SLC6A16: variants seen among roughly 807,000 people sequenced by gnomAD.
SLC6A16 encodes solute carrier family 6 member 16.
A neutral mutation model predicts 65.4 loss-of-function variants in SLC6A16; 54 were observed. That is an observed-to-expected ratio of 0.83 (90% CI 0.66 to 1.04). SLC6A16 has a LOEUF of 1.04. SLC6A16 is among the 50% of genes least tolerant of loss of function. The pLI is 0.00. For missense variants in SLC6A16, 816 were observed against 914.0 expected (o/e 0.89, Z 1.38); for synonymous variants, 330 against 346.5 (o/e 0.95, Z 0.53).
chr19:49,293,154 G>A, intron 10 of SLC6A16, 69 bp downstream of exon 10: 1 of 1,496,916 alleles, frequency 6.7e-7, no homozygotes, highest in South Asian at 1.2e-5. Context: ...TGACAGTAGA[G>A]GCAACAAAAA....
At chr19:49,332,427 C>T in the SLC6A16 span, 3,136 of 375,572 alleles carry the variant, frequency 8.3e-3, 29 homozygotes, top group Non-Finnish European at 0.012. Flanking sequence ...TGCTGGCAGG[C>T]GCCTGCCTGT....
At chr19:49,293,593 G>A (rs920214703) in intron 9 of SLC6A16, among the ~76,000 whole-genome samples, 1 of 152,120 alleles carries the variant, frequency 6.6e-6, no homozygotes, top group Non-Finnish European at 1.5e-5. Context: ...GTGAAAGCCC[G>A]TCTCTACAAA....
At chr19:49,337,327 C>A in the SLC6A16 span, 3 of 1,111,612 alleles carry the variant, frequency 2.7e-6, no homozygotes, top group Non-Finnish European at 2.7e-6. Flanking sequence ...CAGGGGCTAA[C>A]CTAGATAAAG....
At position 49,290,306 on chromosome 19, in the gene SLC6A16, T is replaced by C; in HGVS notation, c.2028A>G (p.Ala676=). The C allele has an allele frequency of 6.2e-7, 1 of 1,614,096 alleles. No homozygotes were observed. Reference sequence around the variant, plus strand: ...TATGTATGCGGCAGTATACAAAGTATGCAGGGATGGGGAGGATGACAATGG... The same window carrying C: ...TATGTATGCGGCAGTATACAAAGTACGCAGGGATGGGGAGGATGACAATGG... ...LFAIVILPIP[A]YFVYCRIHRI... Residue 676 remains alanine (A), a synonymous_variant, in exon 12 of 12, where the codon GCA becomes GCG. Coordinates refer to ENST00000335875, the MANE Select transcript of SLC6A16 (RefSeq NM_014037.3).
At position 49,310,941 on chromosome 19, in the gene SLC6A16, C is replaced by T. The variant is rs1224979258; in HGVS notation, c.407G>A (p.Ser136Asn). 1.2e-6 allele frequency: 2 copies of T among 1,612,412 alleles called. No homozygotes were observed. Among genetic ancestry groups the T allele is most frequent in the East Asian group, 2.2e-5 (1 of 44,902 alleles). ...CTGGTCCCCAGACTTACAGCCTCCA[C>T]TGTTAAGCCACAGGTAGGCAAAGCG... is the stretch of plus-strand genomic sequence containing the variant. ...LWRFAYLWLN[S>N]GGCSFAAIYI... The change falls in exon 2 of 12, where the codon AGT becomes AAT. Residue 136 changes from serine (S) to asparagine (N), a missense_variant. Physicochemically the swap from Ser to Asn is conservative, Grantham distance 46. Coordinates refer to ENST00000335875, the MANE Select transcript of SLC6A16 (RefSeq NM_014037.3).
intron 1 of SLC6A16, among the ~76,000 whole-genome samples, chr19:49,322,795 A>G (rs1056756369): frequency 1.4e-5 from 2 of 138,948 alleles, no homozygotes; most frequent in African/African-American, 5.6e-5. Context: ...GTATTACCCA[A>G]AGCAATCTAC....
chr19:49,310,013 TCTC>T (rs1443984065), intron 4 of SLC6A16, 24 bp downstream of exon 4: 2 of 1,609,940 alleles, frequency 1.2e-6, no homozygotes, highest in East Asian at 2.2e-5. Flanking sequence ...ATTTTTCCCT[TCTC>T]CTCTTCTTTC....
the SLC6A16 span, chr19:49,339,018 G>T: frequency 2.7e-6 from 3 of 1,129,472 alleles, no homozygotes; most frequent in Non-Finnish European, 3.9e-6. The surrounding 1 kb of genome is among the most constrained non-coding windows in gnomAD (Gnocchi z 4.5). Flanking sequence ...GTAGCGGCCT[G>T]AGAAAGGGCG....
intron 7 of SLC6A16, among the ~76,000 whole-genome samples, chr19:49,299,791 G>C (rs1032553295): frequency 1.3e-5 from 2 of 152,014 alleles, no homozygotes; most frequent in Admixed American, 1.3e-4. Flanking sequence ...GGGAGGCCAA[G>C]GCAGGTGGAT....
chr19:49,339,675 G>T, the SLC6A16 span: 17 of 1,425,790 alleles, frequency 1.2e-5, no homozygotes, highest in Non-Finnish European at 1.6e-5. This position sits in a 1 kb window ranked among gnomAD's most constrained non-coding sequence, Gnocchi z 4.5. Flanking sequence ...TCATGGTGCT[G>T]AGCGTACAGC....
intron 1 of SLC6A16, among the ~76,000 whole-genome samples, chr19:49,323,106 A>G (rs1970741977): frequency 6.6e-6 from 1 of 152,042 alleles, no homozygotes; most frequent in Admixed American, 6.6e-5. Flanking sequence ...TGCCAAGACT[A>G]CTCAATGAGT....
chr19:49,306,768 T>C (rs1970396642), intron 7 of SLC6A16, among the ~76,000 whole-genome samples: 1 of 152,066 alleles, frequency 6.6e-6, no homozygotes, highest in Non-Finnish European at 1.5e-5. Flanking sequence ...GGTCTCAAAC[T>C]CCTGACCTCG....
chr19:49,337,722 C>T, the SLC6A16 span: 1 of 1,535,168 alleles, frequency 6.5e-7, no homozygotes, highest in East Asian at 2.4e-5. Context: ...AATAGACGCC[C>T]TGAAAGAAGA....
the SLC6A16 span, chr19:49,339,488 G>C: frequency 5.2e-6 from 8 of 1,544,310 alleles, no homozygotes; most frequent in Admixed American, 1.2e-4. This position sits in a 1 kb window ranked among gnomAD's most constrained non-coding sequence, Gnocchi z 4.5. Flanking sequence ...CGCGTCCTTC[G>C]GTTGCCTGGG....
the SLC6A16 span, chr19:49,340,106 C>T: frequency 1.3e-6 from 2 of 1,539,280 alleles, no homozygotes; most frequent in South Asian, 2.4e-5. Flanking sequence ...CCCGTCGAGC[C>T]CCGCCCTTTT....
intron 1 of SLC6A16, among the ~76,000 whole-genome samples, chr19:49,313,704 G>A (rs1402798050): frequency 6.6e-6 from 1 of 151,934 alleles, no homozygotes; most frequent in Admixed American, 6.6e-5. Context: ...GCTGACTTAG[G>A]AGAATCACTT....
At chr19:49,310,533 A>T in intron 2 of SLC6A16, 23 bp from the exon 3 acceptor site, 1 of 1,613,476 alleles carries the variant, frequency 6.2e-7, no homozygotes, top group Non-Finnish European at 8.5e-7. Flanking sequence ...TTCAGAAGGG[A>T]CTCTGAGAAC....
the SLC6A16 span, chr19:49,331,818 A>G: frequency 4.4e-6 from 2 of 457,140 alleles, no homozygotes; most frequent in Non-Finnish European, 8.8e-6. Context: ...TGGGAAATGA[A>G]GTCCTCCTGT....
chr19:49,313,504 G>A (rs988895619), intron 1 of SLC6A16, among the ~76,000 whole-genome samples: 2 of 151,694 alleles, frequency 1.3e-5, no homozygotes, highest in African/African-American at 2.4e-5. Context: ...ATACGGCCAG[G>A]CATGGTGATT....
Sources: allele counts gnomAD v4.1 joint callset (sites outside exome capture counted in the v4.1 genomes callset), GRCh38; gene constraint gnomAD v4.1.1; non-coding constraint Gnocchi (gnomAD v3.1); transcripts MANE v1.5; gene names NCBI Gene and HGNC (gene_info 2026-07-23, HGNC 2026-07-21).